The following ZNF81 variants were observed in gnomAD, a reference collection of about 807,000 sequenced individuals.
ZNF81 encodes zinc finger protein 81, also known as zinc finger protein 81 (HFZ20).
A neutral mutation model predicts 32.3 loss-of-function variants in ZNF81; 5 were observed. That is an observed-to-expected ratio of 0.15 (90% CI 0.08 to 0.33). ZNF81 has a LOEUF of 0.33. Among genes scored for constraint, ZNF81 ranks in the 10% least tolerant of loss-of-function variants. The pLI is 1.00. For missense variants in ZNF81, 379 were observed against 479.8 expected (o/e 0.79, Z 1.96); for synonymous variants, 163 against 166.8 (o/e 0.98, Z 0.17).
At chrX:47,882,845 G>A (rs1290885263) in intron 2 of ZNF81, among the ~76,000 whole-genome samples, 2 of 111,987 alleles carry the variant, frequency 1.8e-5, no homozygotes, top group African/African-American at 6.5e-5. Context: ...ACAAAAATTA[G>A]CCGGGTGTGG....
intron 4 of ZNF81, among the ~76,000 whole-genome samples, chrX:47,908,322 A>G (rs189783661): frequency 6.4e-4 from 72 of 111,645 alleles, no homozygotes; most frequent in African/African-American, 2.1e-3. Context: ...TAAAACCACA[A>G]TGTGGCAGCC....
intron 3 of ZNF81, among the ~76,000 whole-genome samples, chrX:47,893,183 G>A (rs1254079572): frequency 9.0e-6 from 1 of 111,435 alleles, no homozygotes; most frequent in Non-Finnish European, 1.9e-5. Flanking sequence ...AGAGACTGAA[G>A]TAGGAAGGGA....
chrX:47,855,845 T>C (rs2058514346), intron 2 of ZNF81, among the ~76,000 whole-genome samples: 1 of 109,328 alleles, frequency 9.1e-6, no homozygotes, highest in Non-Finnish European at 1.9e-5. Context: ...GGTCAGGAGT[T>C]TGAGACCAGC....
chrX:47,839,729 T>C (rs1556879485), intron 1 of ZNF81, among the ~76,000 whole-genome samples: 3 of 111,957 alleles, frequency 2.7e-5, no homozygotes, highest in Admixed American at 9.4e-5. Flanking sequence ...TGAATTGTGG[T>C]ACTTTGCATT....
chrX:47,863,646 T>C (rs1156321598), intron 2 of ZNF81, among the ~76,000 whole-genome samples: 1 of 111,991 alleles, frequency 8.9e-6, no homozygotes. Context: ...GATTGACTAT[T>C]CTACAAGGCC....
chrX:47,922,943 A>T lies in ZNF81; in HGVS notation c.*6311A>T, dbSNP rs930548548. 3.6e-5 allele frequency among the ~76,000 whole-genome samples: 4 copies of T among 111,086 alleles called. No homozygotes were observed. Among genetic ancestry groups the T allele is most frequent in the African/African-American group, 1.3e-4 (4 of 30,494 alleles). The stretch of plus-strand genomic sequence containing the variant: ...GGCTGTTTTCTCCCTGTGTTTCTTC[A>T]CATCATGTTCCCTCTGTGTGTCTGG... On this transcript the variant is annotated 3_prime_UTR_variant, in exon 5 of 5. Transcript: ENST00000338637.
rs1408398777 is a variant in ZNF81, at chrX:47,924,268, C to A, written c.*7636C>A. 8.9e-6 allele frequency among the ~76,000 whole-genome samples: 1 copy of A among 112,132 alleles called. No individual in the cohort carries two copies. Among genetic ancestry groups the A allele is most frequent in the Non-Finnish European group, 1.9e-5 (1 of 53,261 alleles). ...TCTTTTCCTGAGAATTTGGTAGATGCTGCTCTTCTAAAATTGAGTGATGTT... is the reference window on the plus strand; with the variant it reads ...TCTTTTCCTGAGAATTTGGTAGATGATGCTCTTCTAAAATTGAGTGATGTT... On this transcript the variant is annotated 3_prime_UTR_variant, in exon 5 of 5. Transcript: ENST00000338637.
At position 47,860,440 on chromosome X, in the gene ZNF81, G is replaced by T. The variant is rs141619128; in HGVS notation, c.54+14119G>T. 7.5e-3 allele frequency among the ~76,000 whole-genome samples: 819 copies of T among 109,457 alleles called. 3 individuals carry two copies. Among genetic ancestry groups the T allele is most frequent in the Non-Finnish European group, 0.012 (631 of 52,515 alleles). On this transcript the variant is annotated intron_variant, in intron 2 of 4. Coordinates refer to ENST00000338637, the MANE Select transcript of ZNF81 (RefSeq NM_007137.5). ...ATGAGATGATTCTTGATGGGCTCCT[G>T]GATAGCTTCAGGAGTGGGGCTGATC... is the stretch of plus-strand genomic sequence containing the variant.
At chrX:47,913,256 C>T (rs1556890129) in intron 4 of ZNF81, among the ~76,000 whole-genome samples, 2 of 111,912 alleles carry the variant, frequency 1.8e-5, no homozygotes, top group Admixed American at 1.9e-4. Context: ...AAAAGTTCTG[C>T]AATCCCAGCT....
intron 3 of ZNF81, among the ~76,000 whole-genome samples, chrX:47,891,465 G>A (rs1175997406): frequency 1.8e-5 from 2 of 112,359 alleles, no homozygotes; most frequent in East Asian, 5.6e-4. Flanking sequence ...CAGGAATGTG[G>A]TATTGCTTTT....
rs2058774441 is a variant in ZNF81 at position 47,920,859 on chromosome X, AT to A, written c.*4229del. Reference sequence around the variant, plus strand: ...CTCAGCCTTTAGCAATTCATTAAAAATTCTTGTTGAATTCTTACTGCTTGTA... The same window carrying A: ...CTCAGCCTTTAGCAATTCATTAAAAATCTTGTTGAATTCTTACTGCTTGTA... On this transcript the variant is annotated 3_prime_UTR_variant, in exon 5 of 5. Coordinates refer to ENST00000338637, the MANE Select transcript of ZNF81 (RefSeq NM_007137.5). The A allele has an allele frequency of 9.0e-6, 1 of 111,390 alleles. No individual in the cohort carries two copies. 9.2% of individuals were successfully genotyped at this position (111,390 alleles called of 1,213,427 possible). A position where few individuals can be genotyped will look rare whatever the true frequency, so the allele number is the denominator to read the frequency against.
chrX:47,862,362 T>C (rs781940727), intron 2 of ZNF81, among the ~76,000 whole-genome samples: 1 of 107,304 alleles, frequency 9.3e-6, no homozygotes, highest in East Asian at 2.9e-4. Context: ...CTACTAAAAA[T>C]ACAAAAAAAA....
At chrX:47,846,700 C>A (rs782071289) in intron 2 of ZNF81, among the ~76,000 whole-genome samples, 1 of 111,801 alleles carries the variant, frequency 8.9e-6, no homozygotes, top group East Asian at 2.8e-4. Context: ...AAAGCTCTTC[C>A]ATGCTTTGTT....
chrX:47,911,095 T>C (rs1340609427), intron 4 of ZNF81, among the ~76,000 whole-genome samples: 1 of 111,412 alleles, frequency 9.0e-6, no homozygotes, highest in Non-Finnish European at 1.9e-5. Flanking sequence ...ATCTTTGCCA[T>C]TAGCTTCATG....
At chrX:47,904,703 C>T (rs1556888785) in intron 4 of ZNF81, among the ~76,000 whole-genome samples, 1 of 111,747 alleles carries the variant, frequency 8.9e-6, no homozygotes, top group African/African-American at 3.3e-5. Flanking sequence ...CCCAGCCATC[C>T]CATTACTGGG....
At chrX:47,905,201 C>G (rs1338806536) in intron 4 of ZNF81, among the ~76,000 whole-genome samples, 1 of 101,446 alleles carries the variant, frequency 9.9e-6, no homozygotes, top group Non-Finnish European at 2.0e-5. Context: ...TACCCTAAAA[C>G]TTAAAGTATA....
intron 2 of ZNF81, among the ~76,000 whole-genome samples, chrX:47,870,412 C>T (rs1353903631): frequency 8.9e-6 from 1 of 112,143 alleles, no homozygotes; most frequent in South Asian, 3.6e-4. Flanking sequence ...TTTTTTTAGA[C>T]TTTGATTCAT....
chrX:47,895,963 G>T (rs1419433275), intron 4 of ZNF81, 23 bp downstream of exon 4: 2 of 1,112,508 alleles, frequency 1.8e-6, no homozygotes, highest in East Asian at 3.0e-5. Flanking sequence ...GACCCAGGCA[G>T]ATGGGGACAC....
chrX:47,888,381 A>AAC (rs1381274968), intron 3 of ZNF81, among the ~76,000 whole-genome samples: 1 of 110,611 alleles, frequency 9.0e-6, no homozygotes, highest in Non-Finnish European at 1.9e-5. Context: ...CACACACACA[A>AAC]ACACACACAC....
Sources: gnomAD v4.1 joint callset for allele counts (sites outside exome capture counted in the v4.1 genomes callset) on GRCh38, gnomAD v4.1.1 for gene constraint, MANE v1.5 for transcripts, NCBI Gene and HGNC (gene_info 2026-07-23, HGNC 2026-07-21) for gene names.